The following DLC1 variants were observed in gnomAD, a reference collection of about 807,000 sequenced individuals.
DLC1 encodes rho GTPase-activating protein 7.
Under a neutral mutation model 140.3 loss-of-function variants are expected in DLC1, and 54 were observed. That is an observed-to-expected ratio of 0.38 (90% CI 0.31 to 0.48). DLC1 has a LOEUF of 0.48. Ranked by LOEUF, DLC1 falls within the 20% of genes least tolerant of loss-of-function variation. The probability of loss-of-function intolerance (pLI) is 0.96; values close to 1 mark genes in which losing one functional copy is unlikely to be tolerated. For synonymous variants in DLC1, 986 were observed against 728.1 expected (o/e 1.35, Z -5.70); for missense variants, 2,536 against 1,907.0 (o/e 1.33, Z -6.14).
intron 5 of DLC1, among the ~76,000 whole-genome samples, chr8:13,143,844 G>GAC (rs1554584114): frequency 6.7e-6 from 1 of 148,168 alleles, no homozygotes; most frequent in Non-Finnish European, 1.5e-5. Context: ...GAGAGAGAGA[G>GAC]AGAGAGAGAC....
intron 5 of DLC1, among the ~76,000 whole-genome samples, chr8:13,175,029 A>T (rs374703423): frequency 4.1e-5 from 2 of 49,184 alleles, no homozygotes; most frequent in African/African-American, 5.7e-5. Context: ...ATCCATCTTC[A>T]GTTAATTTTT....
intron 5 of DLC1, among the ~76,000 whole-genome samples, chr8:13,165,572 C>T (rs979779392): frequency 6.6e-6 from 1 of 152,182 alleles, no homozygotes; most frequent in African/African-American, 2.4e-5. Context: ...GACACTTGGC[C>T]AGGATTTCTG....
At chr8:13,212,636 G>A (rs145070476) in intron 5 of DLC1, among the ~76,000 whole-genome samples, 1,530 of 152,140 alleles carry the variant, frequency 0.01, 33 homozygotes, top group African/African-American at 0.034. Flanking sequence ...AAGATGAAAT[G>A]GGTGACAAAT....
At chr8:13,384,508 G>T (rs1227256760) in intron 4 of DLC1, among the ~76,000 whole-genome samples, 1 of 152,040 alleles carries the variant, frequency 6.6e-6, no homozygotes, top group African/African-American at 2.4e-5. Context: ...TATTTGCTTG[G>T]GAAATATCTT....
intron 2 of DLC1, among the ~76,000 whole-genome samples, chr8:13,413,650 T>C (rs149111127): frequency 1.3e-5 from 2 of 152,160 alleles, no homozygotes; most frequent in East Asian, 3.9e-4. Context: ...GGTTCCCCCA[T>C]GCTGTTCTCA....
chr8:13,501,598 G>A (rs1255243079), intron 1 of DLC1, among the ~76,000 whole-genome samples: 1 of 152,158 alleles, frequency 6.6e-6, no homozygotes, highest in Non-Finnish European at 1.5e-5. Context: ...ATTTCGAGCT[G>A]TTCTGACTAA....
At chr8:13,564,270 C>CA (rs1403435329) in intron 1 of DLC1, among the ~76,000 whole-genome samples, 3 of 152,022 alleles carry the variant, frequency 2.0e-5, no homozygotes, top group Non-Finnish European at 2.9e-5. Context: ...TACTGAACCA[C>CA]AAAAAAATTG....
At chr8:13,188,801 GTATATATATATATA>G (rs1237501850) in intron 5 of DLC1, among the ~76,000 whole-genome samples, 5 of 71,900 alleles carry the variant, frequency 7.0e-5, no homozygotes, top group African/African-American at 3.3e-4. Flanking sequence ...GTGTGTGTGT[GTATATATATATATA>G]TATATATATA....
At chr8:13,187,856 A>G (rs112329177) in intron 5 of DLC1, among the ~76,000 whole-genome samples, 257 of 152,182 alleles carry the variant, frequency 1.7e-3, no homozygotes, top group African/African-American at 5.6e-3. Flanking sequence ...CGGCTCCCCA[A>G]CCCTCTAGCA....
chr8:13,382,473 A>C lies in DLC1; in HGVS notation c.1314+11080T>G, dbSNP rs562209483. 4.8e-5 allele frequency among the ~76,000 whole-genome samples: 6 copies of C among 123,892 alleles called. No individual in the cohort carries two copies. The Admixed American group carries it at 5.3e-4, about 11-fold the overall frequency. The allele number at this position is 123,892 out of a possible 152,430, so 81.3% of individuals were successfully genotyped here. A position where few individuals can be genotyped will look rare whatever the true frequency, so the allele number is the denominator to read the frequency against. On this transcript the variant is annotated intron_variant, in intron 4 of 17. Transcript: ENST00000276297. ...CAGTGAGCCGAGATTGCGCCACTGC[A>C]CTCCAGCCTGGGCGACAGCGAGACT...
At chr8:13,147,713 G>C (rs1823535675) in intron 5 of DLC1, among the ~76,000 whole-genome samples, 1 of 152,060 alleles carries the variant, frequency 6.6e-6, no homozygotes, top group Non-Finnish European at 1.5e-5. Context: ...TTATTGGCTG[G>C]GCATGGTGGC....
chr8:13,171,815 G>A (rs1825501059), intron 5 of DLC1, among the ~76,000 whole-genome samples: 1 of 152,160 alleles, frequency 6.6e-6, no homozygotes, highest in South Asian at 2.1e-4. Context: ...CAAAACCCTT[G>A]GGGACGTCAG....
At chr8:13,291,674 C>T (rs1056299163) in intron 5 of DLC1, among the ~76,000 whole-genome samples, 3 of 151,544 alleles carry the variant, frequency 2.0e-5, no homozygotes, top group Admixed American at 2.0e-4. Context: ...GTGACATAGA[C>T]AGTAATAAAT....
chr8:13,424,371 C>T (rs1041491889), intron 2 of DLC1, among the ~76,000 whole-genome samples: 4 of 152,002 alleles, frequency 2.6e-5, no homozygotes, highest in Non-Finnish European at 5.9e-5. Context: ...CACCTGTAAT[C>T]CCAGGTACTC....
rs186723349 is a variant in DLC1 at position 13,407,649 on chromosome 8, G to A, written c.1024-6030C>T. ...TTGCTTGAACGCTTTGCTTGTCAAT[G>A]AACGGTGGCATCACATAGTCATGAT... On this transcript the variant is annotated intron_variant, in intron 2 of 17. Transcript: ENST00000276297. Among the ~76,000 whole-genome samples, 151 of 152,302 alleles carry A rather than the reference G, an allele frequency of 9.9e-4. 1 individual carries two copies. The highest frequency in any genetic ancestry group is 1.9e-3 in the Admixed American group (29 of 15,284).
At chr8:13,147,294 A>G (rs1823506076) in intron 5 of DLC1, among the ~76,000 whole-genome samples, 1 of 152,192 alleles carries the variant, frequency 6.6e-6, no homozygotes, top group Non-Finnish European at 1.5e-5. Flanking sequence ...TGATGAATGA[A>G]GCACCAGTGA....
rs185241679 is a variant in DLC1, at chr8:13,307,675, A to G, written c.1315-2373T>C. 7.9e-5 allele frequency among the ~76,000 whole-genome samples: 12 copies of G among 152,344 alleles called. No individual in the cohort carries two copies. In the East Asian group the frequency reaches 2.3e-3, roughly 29 times the overall value. ...ACAGGTAATTAAAGAATGTTCCTGG[A>G]GAAAGTTCCTCAGGATAAAAATAGC... On this transcript the variant is annotated intron_variant, in intron 4 of 17. Coordinates refer to ENST00000276297, the MANE Select transcript of DLC1 (RefSeq NM_182643.3).
At chr8:13,262,717 C>T (rs372890196) in intron 5 of DLC1, among the ~76,000 whole-genome samples, 7 of 152,082 alleles carry the variant, frequency 4.6e-5, no homozygotes, top group African/African-American at 7.2e-5. Context: ...TGAGCCACTG[C>T]GCCTGGATCA....
intron 5 of DLC1, among the ~76,000 whole-genome samples, chr8:13,256,894 A>G (rs1408219780): frequency 6.6e-6 from 1 of 151,924 alleles, no homozygotes; most frequent in African/African-American, 2.4e-5. Flanking sequence ...AAAAAAAAAA[A>G]AAAAAGGCAG....
Sources: gnomAD v4.1 joint callset for allele counts (sites outside exome capture counted in the v4.1 genomes callset) on GRCh38, gnomAD v4.1.1 for gene constraint, MANE v1.5 for transcripts, NCBI Gene and HGNC (gene_info 2026-07-23, HGNC 2026-07-21) for gene names.